Variants in MACROD2 observed in about 807,000 individuals in gnomAD.
The protein encoded by MACROD2 is mono-ADP ribosylhydrolase 2, also known as ADP-ribose glycohydrolase MACROD2.
A neutral mutation model predicts 70.4 loss-of-function variants in MACROD2; 36 were observed. That is an observed-to-expected ratio of 0.51 (90% confidence interval 0.39 to 0.68). The LOEUF is 0.68. Among genes scored for constraint, MACROD2 ranks in the 30% least tolerant of loss-of-function variants. The pLI is 0.00. For synonymous variants in MACROD2, 172 were observed against 178.8 expected, an observed-to-expected ratio of 0.96 and a Z score of 0.30; for missense variants, 496 against 538.4, an observed-to-expected ratio of 0.92 and a Z score of 0.78.
intron 3 of MACROD2, among the ~76,000 whole-genome samples, chr20:14,364,539 C>T (rs1200643653): frequency 3.3e-5 from 5 of 152,132 alleles, no homozygotes; most frequent in South Asian, 4.1e-4. Flanking sequence ...GCCTCTATTT[C>T]CAAAATATTT....
intron 5 of MACROD2, among the ~76,000 whole-genome samples, chr20:15,178,099 A>C (rs1372968712): frequency 6.6e-6 from 1 of 152,232 alleles, no homozygotes; most frequent in Non-Finnish European, 1.5e-5. Context: ...AAATGTAAGA[A>C]AAATATGAGA....
At chr20:14,850,570 T>C (rs1432734826) in intron 5 of MACROD2, 1 of 152,264 alleles carries the variant, frequency 6.6e-6, no homozygotes, top group Admixed American at 6.5e-5. Context: ...AGGAGCTGTT[T>C]AGTCCTCTCC....
chr20:15,270,244 A>C (rs2077334342), intron 6 of MACROD2, among the ~76,000 whole-genome samples: 1 of 151,552 alleles, frequency 6.6e-6, no homozygotes, highest in Non-Finnish European at 1.5e-5. Flanking sequence ...AATGGCTTCC[A>C]ACAGAGCAAT....
At chr20:15,287,258 T>C (rs185082246) in intron 6 of MACROD2, among the ~76,000 whole-genome samples, 3 of 152,324 alleles carry the variant, frequency 2.0e-5, no homozygotes, top group Admixed American at 2.0e-4. Flanking sequence ...TCAATAAATA[T>C]TGTATACATG....
intron 4 of MACROD2, chr20:14,547,728 C>G (rs150064341): frequency 6.6e-6 from 1 of 152,286 alleles, no homozygotes; most frequent in South Asian, 2.1e-4. Flanking sequence ...TACTATTTCC[C>G]ATGATCCTGT....
intron 5 of MACROD2, among the ~76,000 whole-genome samples, chr20:14,864,924 T>C (rs1288476770): frequency 6.6e-6 from 1 of 152,070 alleles, no homozygotes; most frequent in Non-Finnish European, 1.5e-5. Flanking sequence ...ATGCTTTCAG[T>C]TGATGTTGAA....
intron 6 of MACROD2, among the ~76,000 whole-genome samples, chr20:15,231,409 T>C (rs1026455670): frequency 2.6e-5 from 4 of 152,010 alleles, no homozygotes; most frequent in Non-Finnish European, 5.9e-5. Flanking sequence ...AGGGAATAAT[T>C]AAAATTTTGT....
chr20:15,143,404 G>A (rs551696131), intron 5 of MACROD2, among the ~76,000 whole-genome samples: 1 of 152,038 alleles, frequency 6.6e-6, no homozygotes, highest in African/African-American at 2.4e-5. Context: ...TGTAGATTCT[G>A]GATATTAGCC....
intron 4 of MACROD2, among the ~76,000 whole-genome samples, chr20:14,592,790 T>C (rs897514401): frequency 6.6e-6 from 1 of 152,204 alleles, no homozygotes; most frequent in Non-Finnish European, 1.5e-5. Context: ...AAGAAAATAT[T>C]TCATTTTATT....
intron 6 of MACROD2, among the ~76,000 whole-genome samples, chr20:15,320,217 A>G (rs1157175905): frequency 6.6e-6 from 1 of 152,160 alleles, no homozygotes. Context: ...AAAACAAAAC[A>G]AAACAAAAAA....
chr20:14,108,060 C>T (rs2054395149), intron 3 of MACROD2, among the ~76,000 whole-genome samples: 1 of 151,844 alleles, frequency 6.6e-6, no homozygotes, highest in Admixed American at 6.6e-5. Flanking sequence ...AACAGCTTTT[C>T]AAGATATAGA....
At chr20:14,189,130 GTAATTCCATTGAAATT>G (rs1437640910) in intron 3 of MACROD2, among the ~76,000 whole-genome samples, 1 of 151,964 alleles carries the variant, frequency 6.6e-6, no homozygotes, top group African/African-American at 2.4e-5. Flanking sequence ...TTTGTTTGCA[GTAATTCCATTGAAATT>G]TAATGGTACA....
chr20:14,531,686 A>G (rs2085306242), intron 4 of MACROD2, among the ~76,000 whole-genome samples: 1 of 152,214 alleles, frequency 6.6e-6, no homozygotes, highest in Non-Finnish European at 1.5e-5. Flanking sequence ...ATAGTTTACC[A>G]GATGTTCTCA....
intron 3 of MACROD2, among the ~76,000 whole-genome samples, chr20:14,468,973 C>A (rs1882123344): frequency 6.6e-6 from 1 of 152,100 alleles, no homozygotes. Flanking sequence ...TTGATCCTGG[C>A]ATTATGATGC....
chr20:14,417,979 C>G (rs546306267), intron 3 of MACROD2, among the ~76,000 whole-genome samples: 2 of 152,276 alleles, frequency 1.3e-5, no homozygotes, highest in South Asian at 4.1e-4. Context: ...TGTTATAAAT[C>G]AGGAGTTTGC....
chr20:14,729,514 G>C (rs571050067), intron 5 of MACROD2, among the ~76,000 whole-genome samples: 1 of 152,232 alleles, frequency 6.6e-6, no homozygotes, highest in East Asian at 1.9e-4. Context: ...TTTGACCTGG[G>C]CAATTCTTAA....
At chr20:15,125,632 C>T (rs2076060903) in intron 5 of MACROD2, among the ~76,000 whole-genome samples, 1 of 152,010 alleles carries the variant, frequency 6.6e-6, no homozygotes, top group African/African-American at 2.4e-5. Flanking sequence ...CTTTCCTCTA[C>T]AAGATAAAAT....
chr20:15,448,704 A>G (rs1040522946), intron 7 of MACROD2, among the ~76,000 whole-genome samples: 1 of 152,188 alleles, frequency 6.6e-6, no homozygotes, highest in African/African-American at 2.4e-5. Flanking sequence ...TTGTGAGAAT[A>G]TGAATTATAA....
intron 4 of MACROD2, among the ~76,000 whole-genome samples, chr20:14,514,324 T>A (rs542900381): frequency 5.3e-4 from 80 of 152,236 alleles, no homozygotes; most frequent in Non-Finnish European, 8.8e-4. Flanking sequence ...TGCATCTAGT[T>A]TTCACCATTG....
Sources: allele counts gnomAD v4.1 joint callset (sites outside exome capture counted in the v4.1 genomes callset), GRCh38; gene constraint gnomAD v4.1.1; transcripts MANE v1.5; gene names NCBI Gene and HGNC (gene_info 2026-07-23, HGNC 2026-07-21).